Variants in SPRED1 observed in about 807,000 individuals in gnomAD.
SPRED1 encodes sprouty related EVH1 domain containing 1.
Under a neutral mutation model 52.3 loss-of-function variants are expected in SPRED1, and 18 were observed. The observed-to-expected ratio is 0.34, with a 90% CI of 0.24 to 0.51. SPRED1 has a LOEUF of 0.51. Ranked by LOEUF, SPRED1 falls within the 20% of genes least tolerant of loss-of-function variation. SPRED1 has a pLI of 0.97. For synonymous variants in SPRED1, 155 were observed against 179.7 expected (o/e 0.86, Z 1.10); for missense variants, 485 against 551.0 (o/e 0.88, Z 1.20).
intron 1 of SPRED1, among the ~76,000 whole-genome samples, chr15:38,254,408 G>GTA (rs1398886231): frequency 6.6e-6 from 1 of 152,186 alleles, no homozygotes; most frequent in Non-Finnish European, 1.5e-5. Flanking sequence ...GTAGAAGGAG[G>GTA]TACATTGCTG....
chr15:38,278,577 T>C (rs1325377596), intron 1 of SPRED1, among the ~76,000 whole-genome samples: 1 of 152,210 alleles, frequency 6.6e-6, no homozygotes, highest in Non-Finnish European at 1.5e-5. Context: ...GAGATTGGTT[T>C]TAGGATGACC....
intron 1 of SPRED1, among the ~76,000 whole-genome samples, chr15:38,285,829 A>G (rs1727141568): frequency 6.6e-6 from 1 of 152,224 alleles, no homozygotes; most frequent in Non-Finnish European, 1.5e-5. Context: ...TCGGTATTTT[A>G]AACTCAATTT....
chr15:38,285,704 C>T (rs1894792239), intron 1 of SPRED1, among the ~76,000 whole-genome samples: 1 of 152,122 alleles, frequency 6.6e-6, no homozygotes, highest in African/African-American at 2.4e-5. Flanking sequence ...TTGGAGGTTT[C>T]TGAGCAAGAC....
intron 2 of SPRED1, among the ~76,000 whole-genome samples, chr15:38,308,046 A>C (rs1191217672): frequency 6.6e-6 from 1 of 152,144 alleles, no homozygotes; most frequent in Non-Finnish European, 1.5e-5. Flanking sequence ...CTAATGTTGC[A>C]CAGATAAGTA....
chr15:38,325,028 A>G (rs1235670090), intron 4 of SPRED1, among the ~76,000 whole-genome samples: 3 of 152,158 alleles, frequency 2.0e-5, no homozygotes, highest in Non-Finnish European at 2.9e-5. Context: ...TTTTGAGACA[A>G]GGTCTTGCTA....
intron 2 of SPRED1, among the ~76,000 whole-genome samples, chr15:38,310,367 C>G (rs1028200117): frequency 1.3e-5 from 2 of 152,094 alleles, no homozygotes; most frequent in African/African-American, 4.8e-5. Flanking sequence ...TCTTGAACTT[C>G]TGACCTCAGG....
At chr15:38,342,600 G>T (rs1378203272) in intron 5 of SPRED1, among the ~76,000 whole-genome samples, 1 of 151,642 alleles carries the variant, frequency 6.6e-6, no homozygotes, top group African/African-American at 2.4e-5. Context: ...CTTCATTTTT[G>T]AAGGATGTTT....
chr15:38,253,079 C>A lies in SPRED1; in HGVS notation c.-107C>A. ...CCATGGTGAGGCCCCTGTGCCGCTG[C>A]CCCCGCGCCCCCCCGGCCGCCGCTG... On this transcript the variant is annotated 5_prime_UTR_variant, in exon 1 of 7. An upstream open reading frame in the 5' UTR gains an earlier in-frame stop. Transcript: ENST00000299084. The A allele has an allele frequency of 1.1e-6, 1 of 916,962 alleles. No individual in the cohort carries two copies. The highest frequency in any genetic ancestry group is 1.7e-6 in the Non-Finnish European group (1 of 577,546). The allele number at this position is 916,962 out of a possible 1,614,324, so 56.8% of individuals were successfully genotyped here.
At chr15:38,328,762 C>G (rs191609382) in intron 4 of SPRED1, among the ~76,000 whole-genome samples, 144 of 152,252 alleles carry the variant, frequency 9.5e-4, no homozygotes, top group Non-Finnish European at 3.8e-4. Flanking sequence ...CTCTGTTGCC[C>G]AGGCTGGAGT....
At chr15:38,311,632 A>G (rs964391252) in intron 2 of SPRED1, among the ~76,000 whole-genome samples, 3 of 152,146 alleles carry the variant, frequency 2.0e-5, no homozygotes, top group African/African-American at 4.8e-5. Context: ...CTATTTCATC[A>G]TGGTTGAATT....
chr15:38,332,101 T>G (rs1409837029), intron 4 of SPRED1, among the ~76,000 whole-genome samples: 1 of 152,126 alleles, frequency 6.6e-6, no homozygotes, highest in African/African-American at 2.4e-5. Flanking sequence ...AAGAGCACTG[T>G]GTGGATAGAC....
At chr15:38,280,734 A>G (rs1299801206) in intron 1 of SPRED1, among the ~76,000 whole-genome samples, 1 of 152,218 alleles carries the variant, frequency 6.6e-6, no homozygotes, top group African/African-American at 2.4e-5. Flanking sequence ...ACCACAATTT[A>G]GAATGAATGA....
chr15:38,315,647 G>A (rs1351985172), intron 2 of SPRED1, among the ~76,000 whole-genome samples: 2 of 151,774 alleles, frequency 1.3e-5, no homozygotes, highest in Non-Finnish European at 2.9e-5. Flanking sequence ...GGAGATTGAA[G>A]CATTTTTACA....
At chr15:38,294,262 A>T (rs540127174) in intron 1 of SPRED1, among the ~76,000 whole-genome samples, 1 of 152,318 alleles carries the variant, frequency 6.6e-6, no homozygotes, top group South Asian at 2.1e-4. Context: ...GTCACTATAA[A>T]TATGCCTCAA....
At chr15:38,301,111 A>C (rs985700831) in intron 2 of SPRED1, among the ~76,000 whole-genome samples, 6 of 152,190 alleles carry the variant, frequency 3.9e-5, no homozygotes, top group African/African-American at 1.4e-4. Context: ...AAACTCAGTG[A>C]AACAGAATAT....
At chr15:38,324,224 T>A (rs1895663877) in intron 3 of SPRED1, among the ~76,000 whole-genome samples, 1 of 152,148 alleles carries the variant, frequency 6.6e-6, no homozygotes, top group Non-Finnish European at 1.5e-5. Flanking sequence ...TTATTGAAAC[T>A]AAAGGTACTC....
At chr15:38,274,532 T>G (rs189314196) in intron 1 of SPRED1, among the ~76,000 whole-genome samples, 19 of 152,338 alleles carry the variant, frequency 1.2e-4, no homozygotes, top group Admixed American at 1.1e-3. Flanking sequence ...ATACAAAGAA[T>G]GCACATATCC....
chr15:38,337,889 C>T (rs1196530796), intron 4 of SPRED1, among the ~76,000 whole-genome samples: 2 of 151,662 alleles, frequency 1.3e-5, no homozygotes, highest in Non-Finnish European at 2.9e-5. Context: ...GTATCCCAAC[C>T]CTGAGATTAT....
intron 2 of SPRED1, among the ~76,000 whole-genome samples, chr15:38,300,037 G>A (rs909741389): frequency 4.6e-5 from 7 of 151,916 alleles, no homozygotes; most frequent in South Asian, 2.1e-4. Flanking sequence ...AGTTTTATTC[G>A]AACATAGCCA....
Sources: allele counts gnomAD v4.1 joint callset (sites outside exome capture counted in the v4.1 genomes callset), GRCh38; gene constraint gnomAD v4.1.1; transcripts MANE v1.5; gene names NCBI Gene and HGNC (gene_info 2026-07-23, HGNC 2026-07-21).